The following OLFM2 variants were observed in gnomAD, a reference collection of about 807,000 sequenced individuals.
The protein encoded by OLFM2 is olfactomedin 2.
A neutral mutation model predicts 43.9 loss-of-function variants in OLFM2; 20 were observed. That is an observed-to-expected ratio of 0.46 (90% CI 0.32 to 0.66). The LOEUF (loss-of-function observed/expected upper bound fraction) is 0.66, where lower values mean the gene tolerates loss of function less well. Ranked by LOEUF, OLFM2 falls within the 30% of genes least tolerant of loss-of-function variation. OLFM2 has a pLI of 0.04. For missense variants in OLFM2, 416 were observed against 643.6 expected (o/e 0.65, Z 3.83); for synonymous variants, 268 against 278.6 (o/e 0.96, Z 0.38).
At chr19:9,874,250 C>T (rs975990898) in intron 1 of OLFM2, among the ~76,000 whole-genome samples, 8 of 150,904 alleles carry the variant, frequency 5.3e-5, no homozygotes, top group South Asian at 2.1e-4. Context: ...TGGTCTATGA[C>T]GTTTCTGTCT....
intron 1 of OLFM2, among the ~76,000 whole-genome samples, chr19:9,861,207 T>TG (rs992524816): frequency 1.3e-5 from 2 of 151,750 alleles, no homozygotes; most frequent in African/African-American, 4.8e-5. Context: ...CTTAATGTTT[T>TG]TTTTTTTTTT....
chr19:9,854,496 G>A lies in OLFM2; in HGVS notation c.1055C>T (p.Pro352Leu), dbSNP rs746993521. Reference sequence around the variant, plus strand: ...GGACCGCATGACCTCGAGGGTGTGCGGGTCCAGCCGGCTGACCACGATGTT... The same window carrying A: ...GGACCGCATGACCTCGAGGGTGTGCAGGTCCAGCCGGCTGACCACGATGTT... ...AGNIVVSRLDPHTLEVMRSWD... is the reference protein window; with the variant it reads ...AGNIVVSRLDLHTLEVMRSWD... Residue 352 changes from proline (P) to leucine (L), a missense_variant, in exon 6 of 6, where the codon CCG (proline) becomes CTG (leucine). Pro to Leu is a moderately conservative substitution (Grantham distance 98). Transcript: ENST00000264833. The surrounding 1 kb of genome is among the most constrained non-coding windows in gnomAD (Gnocchi z 9.5). 16 of 1,613,900 alleles carry A rather than the reference G, an allele frequency of 9.9e-6. No individual in the cohort carries two copies. Among genetic ancestry groups the A allele is most frequent in the East Asian group, 2.2e-5 (1 of 44,878 alleles).
rs555498398 is a variant in OLFM2 at position 9,910,400 on chromosome 19, C to A, written c.63+25904G>T. Among the ~76,000 whole-genome samples, 24 of 152,134 alleles carry A rather than the reference C, an allele frequency of 1.6e-4. No individual in the cohort carries two copies. In the South Asian group the frequency reaches 4.4e-3, roughly 28 times the overall value. On this transcript the variant is annotated intron_variant, in intron 1 of 5. Transcript: ENST00000264833. ...CTGGGGGTTTTCAAACATAAAAATTCTTGACATAGAAGAGGCACTTGATAG... is the reference window on the plus strand; with the variant it reads ...CTGGGGGTTTTCAAACATAAAAATTATTGACATAGAAGAGGCACTTGATAG...
chr19:9,874,354 T>TG lies in OLFM2; in HGVS notation c.64-13561dup, dbSNP rs1434424198. Among the ~76,000 whole-genome samples, 7 of 128,220 alleles carry TG rather than the reference T, an allele frequency of 5.5e-5. No individual in the cohort carries two copies. In the East Asian group the frequency reaches 1.6e-3, roughly 30 times the overall value. 84.1% of individuals were successfully genotyped at this position (128,220 alleles called of 152,430 possible). A position where few individuals can be genotyped will look rare whatever the true frequency, so the allele number is the denominator to read the frequency against. ...TTTTTTTTTTTTTTTTTAAGAGAGA[T>TG]GGGGGTCTCACTATGTTGCCCAGGC... On this transcript the variant is annotated intron_variant, in intron 1 of 5. Transcript: ENST00000264833.
chr19:9,914,832 G>T (rs1317934820), intron 1 of OLFM2, among the ~76,000 whole-genome samples: 1 of 152,002 alleles, frequency 6.6e-6, no homozygotes, highest in Non-Finnish European at 1.5e-5. Flanking sequence ...CCCTCCTGGC[G>T]TCCCCGCATC....
At chr19:9,919,134 T>C (rs941236683) in intron 1 of OLFM2, among the ~76,000 whole-genome samples, 1 of 151,908 alleles carries the variant, frequency 6.6e-6, no homozygotes, top group African/African-American at 2.4e-5. Flanking sequence ...GCCAGGAGTT[T>C]GAGACCAGCC....
intron 1 of OLFM2, chr19:9,913,409 G>T: frequency 1.1e-6 from 1 of 899,218 alleles, no homozygotes; most frequent in Non-Finnish European, 1.4e-6. Flanking sequence ...GGCCCCGGGG[G>T]CTGCGGCGGC....
intron 1 of OLFM2, among the ~76,000 whole-genome samples, chr19:9,889,782 G>A (rs1176566414): frequency 6.6e-6 from 1 of 152,152 alleles, no homozygotes; most frequent in Non-Finnish European, 1.5e-5. Context: ...GTGAAGCTGT[G>A]TGTATGTGTG....
At chr19:9,926,784 G>A (rs58223352) in intron 1 of OLFM2, among the ~76,000 whole-genome samples, 3,616 of 151,558 alleles carry the variant, frequency 0.024, 108 homozygotes, top group Middle Eastern at 0.082. Flanking sequence ...GTTCAAGACC[G>A]GCCTGGACAA....
At chr19:9,870,326 G>A (rs1276935676) in intron 1 of OLFM2, among the ~76,000 whole-genome samples, 2 of 152,174 alleles carry the variant, frequency 1.3e-5, no homozygotes, top group African/African-American at 4.8e-5. Flanking sequence ...ATCTGGCAAA[G>A]TCTCATGGAG....
intron 2 of OLFM2, chr19:9,858,152 G>A (rs2046337849): frequency 2.0e-6 from 1 of 499,110 alleles, no homozygotes; most frequent in East Asian, 3.7e-5. Flanking sequence ...TCTCTACACA[G>A]CAGACAGAAG....
chr19:9,873,101 G>A (rs1243424810), intron 1 of OLFM2, among the ~76,000 whole-genome samples: 1 of 152,152 alleles, frequency 6.6e-6, no homozygotes, highest in East Asian at 1.9e-4. Context: ...CACAGAGCTG[G>A]GATTTGGATG....
intron 1 of OLFM2, among the ~76,000 whole-genome samples, chr19:9,924,572 A>C (rs1157034257): frequency 6.6e-6 from 1 of 152,116 alleles, no homozygotes; most frequent in Non-Finnish European, 1.5e-5. Flanking sequence ...CAACATACTC[A>C]GTCACCCAAC....
chr19:9,865,909 G>T (rs1182321675), intron 1 of OLFM2, among the ~76,000 whole-genome samples: 2 of 151,670 alleles, frequency 1.3e-5, no homozygotes, highest in African/African-American at 4.8e-5. Flanking sequence ...AAGCAATTTG[G>T]ATAGAAACCC....
At chr19:9,862,345 A>G (rs950531312) in intron 1 of OLFM2, among the ~76,000 whole-genome samples, 6 of 152,042 alleles carry the variant, frequency 3.9e-5, no homozygotes, top group Admixed American at 3.3e-4. Context: ...AGGAGAAGGC[A>G]GGGGACATTT....
At chr19:9,879,560 A>G (rs1486689615) in intron 1 of OLFM2, among the ~76,000 whole-genome samples, 1 of 152,016 alleles carries the variant, frequency 6.6e-6, no homozygotes, top group Non-Finnish European at 1.5e-5. Context: ...AGGCCTCCCC[A>G]GCTATGGTTC....
chr19:9,906,047 A>G (rs2046783436), intron 1 of OLFM2, among the ~76,000 whole-genome samples: 1 of 152,102 alleles, frequency 6.6e-6, no homozygotes, highest in Non-Finnish European at 1.5e-5. Context: ...TGCCATGAAG[A>G]CACGCTCAAA....
chr19:9,856,361 G>C lies in OLFM2; in HGVS notation c.687+446C>G, dbSNP rs1020756771. Among the ~76,000 whole-genome samples the C allele has an allele frequency of 1.3e-5, 2 of 152,196 alleles. No individual in the cohort carries two copies. Among genetic ancestry groups the C allele is most frequent in the African/African-American group, 4.8e-5 (2 of 41,432 alleles). On this transcript the variant is annotated intron_variant, in intron 5 of 5. Coordinates refer to ENST00000264833, the MANE Select transcript of OLFM2 (RefSeq NM_058164.4). The surrounding 1 kb of genome is among the most constrained non-coding windows in gnomAD (Gnocchi z 4.0). ...GATCCGCCCACCTCAGCCTCCCAAAGTGCTGGGATTACAGGCATGAGCCAC... is the reference window on the plus strand; with the variant it reads ...GATCCGCCCACCTCAGCCTCCCAAACTGCTGGGATTACAGGCATGAGCCAC...
In OLFM2 at chr19:9,854,028, A is replaced by T; in HGVS notation, c.*158T>A. On this transcript the variant is annotated 3_prime_UTR_variant, in exon 6 of 6. Transcript: ENST00000264833. This position sits in a 1 kb window ranked among gnomAD's most constrained non-coding sequence, Gnocchi z 9.5. Reference sequence around the variant, plus strand: ...AGAAGAGGGGAAATTGAAAAAATAGACAGAAATACATAGGCAGAGAACAAA... The same window carrying T: ...AGAAGAGGGGAAATTGAAAAAATAGTCAGAAATACATAGGCAGAGAACAAA... 1 of 634,982 alleles carries T rather than the reference A, an allele frequency of 1.6e-6. No individual in the cohort carries two copies. Among genetic ancestry groups the T allele is most frequent in the East Asian group, 2.7e-5 (1 of 36,430 alleles). The allele number at this position is 634,982 out of a possible 1,614,324, so 39.3% of individuals were successfully genotyped here. A position where few individuals can be genotyped will look rare whatever the true frequency, so the allele number is the denominator to read the frequency against.
Sources: gnomAD v4.1 joint callset for allele counts (sites outside exome capture counted in the v4.1 genomes callset) on GRCh38, gnomAD v4.1.1 for gene constraint, Gnocchi (gnomAD v3.1) non-coding constraint, MANE v1.5 for transcripts, NCBI Gene and HGNC (gene_info 2026-07-23, HGNC 2026-07-21) for gene names.